Variants in CELF6 observed in about 807,000 individuals in gnomAD.
CELF6 encodes the protein CUGBP Elav-like family member 6.
CELF6 carries 32 observed loss-of-function variants against 53.1 expected under a neutral mutation model. That is an observed-to-expected ratio of 0.60 (90% CI 0.46 to 0.81). The LOEUF is 0.81. Ranked by LOEUF, CELF6 falls within the 30% of genes least tolerant of loss-of-function variation. The pLI, the probability that CELF6 is intolerant of heterozygous loss-of-function variation, is 0.00. For missense variants in CELF6, 539 were observed against 669.5 expected (o/e 0.81, Z 2.15); for synonymous variants, 291 against 288.8 (o/e 1.01, Z -0.08).
At chr15:72,315,259 T>C (rs1385344044) in intron 2 of CELF6, among the ~76,000 whole-genome samples, 3 of 152,214 alleles carry the variant, frequency 2.0e-5, no homozygotes, top group Admixed American at 2.0e-4. Context: ...AGGTCCCACC[T>C]TGCCTTTTGT....
At chr15:72,291,494 T>C (rs1397068285) in intron 3 of CELF6, among the ~76,000 whole-genome samples, 1 of 152,190 alleles carries the variant, frequency 6.6e-6, no homozygotes, top group South Asian at 2.1e-4. Context: ...CCTAAATGGT[T>C]CTACTCCTTG....
intron 1 of CELF6, among the ~76,000 whole-genome samples, chr15:72,317,142 T>A (rs1317737839): frequency 1.3e-5 from 2 of 152,210 alleles, no homozygotes; most frequent in East Asian, 3.9e-4. Context: ...TCAAGTCATA[T>A]GTAGCCTTGT....
chr15:72,288,856 G>C lies in CELF6; in HGVS notation c.1093+12C>G, dbSNP rs745682347. 4.2e-5 allele frequency: 65 copies of C among 1,549,998 alleles called. No individual in the cohort carries two copies. The highest frequency in any genetic ancestry group is 5.7e-5 in the Non-Finnish European group (65 of 1,146,292). ...TTCAACCTCCCCCAGGCCGCGTAGC[G>C]CCAAGTGAAACCTGCGTAGTGGTGC... On this transcript the variant is annotated intron_variant, in intron 9 of 12. Transcript: ENST00000287202. This position sits in a 1 kb window ranked among gnomAD's most constrained non-coding sequence, Gnocchi z 4.6.
rs1343933099 is a variant in CELF6, at chr15:72,319,943, C to T, written c.-69G>A. 2.9e-6 allele frequency: 4 copies of T among 1,359,886 alleles called. No homozygotes were observed. Among genetic ancestry groups the T allele is most frequent in the African/African-American group, 1.6e-5 (1 of 64,310 alleles). The allele number at this position is 1,359,886 out of a possible 1,614,324, so 84.2% of individuals were successfully genotyped here. The stretch of plus-strand genomic sequence containing the variant: ...CTGTCCCGCCGTCCCCTCCCTGGAC[C>T]GGTGGCGAGGGCCAGGGGGAGGGGG... On this transcript the variant is annotated 5_prime_UTR_variant, in exon 1 of 13. Transcript: ENST00000287202. This position sits in a 1 kb window ranked among gnomAD's most constrained non-coding sequence, Gnocchi z 5.0.
At chr15:72,306,224 G>A (rs1378621395) in intron 2 of CELF6, 2 of 983,436 alleles carry the variant, frequency 2.0e-6, no homozygotes, top group Non-Finnish European at 2.4e-6. Context: ...CTGGGTGCGT[G>A]GGAGGTGAGG....
chr15:72,288,264 A>G lies in CELF6; in HGVS notation c.1318+44T>C, dbSNP rs1858377746. Reference sequence around the variant, plus strand: ...TCGTAGGGTCTGTAGGAAATCCTTTATAGTCAGAGGTGGGAGAGGCCTAGG... The same window carrying G: ...TCGTAGGGTCTGTAGGAAATCCTTTGTAGTCAGAGGTGGGAGAGGCCTAGG... On this transcript the variant is annotated intron_variant, in intron 11 of 12. Coordinates refer to ENST00000287202, the MANE Select transcript of CELF6 (RefSeq NM_052840.5). The surrounding 1 kb of genome is among the most constrained non-coding windows in gnomAD (Gnocchi z 4.6). The G allele has an allele frequency of 6.2e-7, 1 of 1,603,668 alleles. No individual in the cohort carries two copies. Among genetic ancestry groups the G allele is most frequent in the Admixed American group, 1.7e-5 (1 of 59,994 alleles).
At chr15:72,292,030 G>T (rs1464312084) in intron 3 of CELF6, among the ~76,000 whole-genome samples, 12 of 152,192 alleles carry the variant, frequency 7.9e-5, no homozygotes, top group Non-Finnish European at 7.3e-5. Context: ...TGAAAAATCA[G>T]TGGAATACAT....
rs991422001 is a variant in CELF6 at position 72,312,945 on chromosome 15, C to T, written c.345+2900G>A. On this transcript the variant is annotated intron_variant, in intron 2 of 12. Transcript: ENST00000287202. ...GCATTGCTGGGGCTGGCCAACACAG[C>T]CATTGATTTTCATTTAGGAGAATAA... 2.0e-5 allele frequency among the ~76,000 whole-genome samples: 3 copies of T among 152,332 alleles called. No individual in the cohort carries two copies. In the South Asian group the frequency reaches 6.2e-4, roughly 32 times the overall value.
Position 72,288,548 on chromosome 15 carries a change from C to A in CELF6, c.1164G>T (p.Gln388His). 1.2e-6 allele frequency: 2 copies of A among 1,603,680 alleles called. No homozygotes were observed. The highest frequency in any genetic ancestry group is 1.1e-5 in the South Asian group (1 of 89,598). The change falls in exon 10 of 13, where the codon CAG becomes CAT. Residue 388 changes from glutamine (Q) to histidine (H), a missense_variant. Transcript: ENST00000287202. The surrounding 1 kb of genome is among the most constrained non-coding windows in gnomAD (Gnocchi z 4.6). Reference protein sequence around the residue: ...FPQQPSALPQQQREGPEGCNL... With the variant: ...FPQQPSALPQHQREGPEGCNL... ...CCCCCAGTCCCTCACCTTCTCTCTG[C>A]TGCTGGGGCAGGGCTGAAGGCTGCT...
chr15:72,303,380 C>T (rs908385765), intron 3 of CELF6, among the ~76,000 whole-genome samples: 49 of 152,310 alleles, frequency 3.2e-4, no homozygotes, highest in African/African-American at 1.1e-3. Context: ...AAGGTGATAA[C>T]ATTTTGACCA....
intron 3 of CELF6, chr15:72,292,267 T>C: frequency 2.0e-6 from 3 of 1,532,786 alleles, no homozygotes; most frequent in Non-Finnish European, 2.6e-6. Context: ...TTCAGGAGCC[T>C]GAGAAGACAG....
chr15:72,306,094 A>T (rs901095357), intron 2 of CELF6: 2 of 984,782 alleles, frequency 2.0e-6, no homozygotes, highest in Non-Finnish European at 2.4e-6. Context: ...CCACATCCCC[A>T]TCCCCCAACC....
Sources: gnomAD v4.1 joint callset for allele counts (sites outside exome capture counted in the v4.1 genomes callset) on GRCh38, gnomAD v4.1.1 for gene constraint, Gnocchi (gnomAD v3.1) non-coding constraint, MANE v1.5 for transcripts, NCBI Gene and HGNC (gene_info 2026-07-23, HGNC 2026-07-21) for gene names.